The following STAG1 variants were observed in gnomAD, a reference collection of about 807,000 sequenced individuals.
The protein encoded by STAG1 is STAG1 cohesin complex component.
STAG1 carries 26 observed loss-of-function variants against 170.9 expected under a neutral mutation model. That is an observed-to-expected ratio of 0.15 (90% confidence interval 0.11 to 0.21). STAG1 has a LOEUF of 0.21. Ranked by LOEUF, STAG1 falls within the 10% of genes least tolerant of loss-of-function variation. The probability of loss-of-function intolerance (pLI) is 1.00; values close to 1 mark genes in which losing one functional copy is unlikely to be tolerated. For missense variants in STAG1, 964 were observed against 1,509.5 expected (o/e 0.64, Z 5.99); for synonymous variants, 514 against 497.7 (o/e 1.03, Z -0.44).
intron 18 of STAG1, 32 bp downstream of exon 18, chr3:136,422,736 A>T (rs1162091801): frequency 6.5e-7 from 1 of 1,542,376 alleles, no homozygotes; most frequent in South Asian, 1.2e-5. Context: ...TAAAACTATA[A>T]CAGCTGAATT....
intron 5 of STAG1, among the ~76,000 whole-genome samples, chr3:136,545,283 TG>T (rs1936106168): frequency 6.6e-6 from 1 of 152,194 alleles, no homozygotes; most frequent in Non-Finnish European, 1.5e-5. Context: ...TTGGCCAGGC[TG>T]GTCTCGAACT....
intron 14 of STAG1, among the ~76,000 whole-genome samples, chr3:136,445,142 G>A (rs746248826): frequency 1.3e-5 from 2 of 150,464 alleles, no homozygotes; most frequent in East Asian, 2.0e-4. Flanking sequence ...ACTTCATTTC[G>A]ACTGCATTTC....
At chr3:136,460,760 C>T (rs1206451210) in intron 13 of STAG1, among the ~76,000 whole-genome samples, 2 of 151,676 alleles carry the variant, frequency 1.3e-5, no homozygotes, top group African/African-American at 2.4e-5. Flanking sequence ...AGAACTAACA[C>T]CAATTCTACT....
chr3:136,524,672 C>T (rs942707959), intron 6 of STAG1, among the ~76,000 whole-genome samples: 79 of 152,268 alleles, frequency 5.2e-4, no homozygotes, highest in Middle Eastern at 6.8e-3. Flanking sequence ...CTGTCTTGTG[C>T]CAGTTTTCAA....
At chr3:136,678,292 C>G (rs1225736722) in intron 1 of STAG1, among the ~76,000 whole-genome samples, 2 of 150,296 alleles carry the variant, frequency 1.3e-5, no homozygotes, top group Admixed American at 1.3e-4. Flanking sequence ...TAGACTGTCA[C>G]AGAAAATAAA....
At chr3:136,728,538 C>T (rs1436073769) in intron 1 of STAG1, among the ~76,000 whole-genome samples, 3 of 152,140 alleles carry the variant, frequency 2.0e-5, no homozygotes, top group Non-Finnish European at 4.4e-5. Context: ...CTACCCACCA[C>T]ATGGGGCTAT....
intron 1 of STAG1, among the ~76,000 whole-genome samples, chr3:136,652,719 C>A (rs1183803947): frequency 6.6e-6 from 1 of 152,166 alleles, no homozygotes. Flanking sequence ...AATCTGTTAA[C>A]ATCTCCCTCC....
intron 26 of STAG1, among the ~76,000 whole-genome samples, chr3:136,361,463 A>G (rs1936860244): frequency 6.6e-6 from 1 of 152,182 alleles, no homozygotes. Context: ...AAGGGAATAT[A>G]TATCTTCAAT....
intron 7 of STAG1, among the ~76,000 whole-genome samples, chr3:136,509,702 T>C (rs1279800948): frequency 3.9e-5 from 6 of 152,130 alleles, no homozygotes; most frequent in Admixed American, 1.3e-4. Context: ...AAGAAAACAC[T>C]GGAACAAAAG....
chr3:136,659,047 T>C (rs2107863323), intron 1 of STAG1, among the ~76,000 whole-genome samples: 1 of 152,304 alleles, frequency 6.6e-6, no homozygotes, highest in Non-Finnish European at 1.5e-5. Flanking sequence ...TTCCTGGTTT[T>C]ACCACTCTTT....
chr3:136,496,741 G>C (rs1482364098), intron 9 of STAG1, among the ~76,000 whole-genome samples: 1 of 152,090 alleles, frequency 6.6e-6, no homozygotes, highest in African/African-American at 2.4e-5. Flanking sequence ...ACTAAGAAGA[G>C]CTGAAGAAGT....
Position 136,633,681 on chromosome 3 carries a change from C to T in STAG1, c.-83-2700G>A, listed in dbSNP as rs568839661. Reference sequence around the variant, plus strand: ...TGCCACTGCACTCCAACCTGGACAACAGAGCAAAAGTTTCCATATCAAAAA... The same window carrying T: ...TGCCACTGCACTCCAACCTGGACAATAGAGCAAAAGTTTCCATATCAAAAA... On this transcript the variant is annotated intron_variant, in intron 1 of 33. Transcript: ENST00000383202. Among the ~76,000 whole-genome samples the T allele has an allele frequency of 2.2e-4, 25 of 111,396 alleles. 1 individual carries two copies. Among genetic ancestry groups the T allele is most frequent in the Non-Finnish European group, 1.8e-4 (11 of 60,764 alleles). The allele number at this position is 111,396 out of a possible 152,430, so 73.1% of individuals were successfully genotyped here. A position where few individuals can be genotyped will look rare whatever the true frequency, so the allele number is the denominator to read the frequency against.
At chr3:136,412,548 A>G (rs986106966) in intron 21 of STAG1, among the ~76,000 whole-genome samples, 2 of 152,230 alleles carry the variant, frequency 1.3e-5, no homozygotes, top group African/African-American at 4.8e-5. Context: ...AGAGTTAATA[A>G]TATGAATAAT....
At chr3:136,469,843 T>G (rs1269796444) in intron 12 of STAG1, among the ~76,000 whole-genome samples, 1 of 152,152 alleles carries the variant, frequency 6.6e-6, no homozygotes, top group Non-Finnish European at 1.5e-5. Context: ...CATCTACAAC[T>G]ATCTGATCTT....
intron 2 of STAG1, among the ~76,000 whole-genome samples, chr3:136,627,993 T>A (rs1389618301): frequency 6.6e-6 from 1 of 152,166 alleles, no homozygotes; most frequent in Non-Finnish European, 1.5e-5. Flanking sequence ...GCTTATTATA[T>A]CTCTATCATG....
intron 6 of STAG1, among the ~76,000 whole-genome samples, chr3:136,527,626 G>A (rs138477078): frequency 1.8e-4 from 27 of 152,234 alleles, no homozygotes; most frequent in East Asian, 7.7e-4. Flanking sequence ...CGTTACTGAC[G>A]AGGAGCTGTG....
chr3:136,363,094 C>T (rs769256188), intron 26 of STAG1, among the ~76,000 whole-genome samples: 2 of 152,052 alleles, frequency 1.3e-5, no homozygotes, highest in Non-Finnish European at 2.9e-5. Context: ...TAAATTACTA[C>T]TTTTTAAATT....
chr3:136,484,824 G>T (rs2089972426), intron 9 of STAG1, among the ~76,000 whole-genome samples: 1 of 151,760 alleles, frequency 6.6e-6, no homozygotes, highest in Non-Finnish European at 1.5e-5. Context: ...ATATTCGGGT[G>T]GGAGTGACCC....
chr3:136,442,674 A>G (rs1378013953), intron 15 of STAG1, among the ~76,000 whole-genome samples: 2 of 147,850 alleles, frequency 1.4e-5, no homozygotes, highest in East Asian at 3.9e-4. Flanking sequence ...ATCAAGAAAA[A>G]AAAAATTCTG....
Sources: allele counts gnomAD v4.1 joint callset (sites outside exome capture counted in the v4.1 genomes callset), GRCh38; gene constraint gnomAD v4.1.1; transcripts MANE v1.5; gene names NCBI Gene and HGNC (gene_info 2026-07-23, HGNC 2026-07-21).